The following OSBPL3 variants were observed in gnomAD, a reference collection of about 807,000 sequenced individuals.
OSBPL3 encodes the protein oxysterol-binding protein-related protein 3.
OSBPL3 carries 65 observed loss-of-function variants against 120.1 expected under a neutral mutation model. The ratio of observed to expected loss-of-function variants is 0.54; its 90% CI spans 0.44 to 0.67. The LOEUF is 0.67. OSBPL3 is among the 30% of genes least tolerant of loss of function. The pLI, the probability that OSBPL3 is intolerant of heterozygous loss-of-function variation, is 0.00. For missense variants in OSBPL3, 1,004 were observed against 1,082.1 expected, an observed-to-expected ratio of 0.93 and a Z score of 1.01; for synonymous variants, 416 against 402.6, an observed-to-expected ratio of 1.03 and a Z score of -0.40.
In OSBPL3 at chr7:24,955,369, C is replaced by T. The variant is rs540685111; in HGVS notation, c.-150+24517G>A. Among the ~76,000 whole-genome samples, 1 of 152,188 alleles carries T rather than the reference C, an allele frequency of 6.6e-6. No homozygotes were observed. Among genetic ancestry groups the T allele is most frequent in the Admixed American group, 6.5e-5 (1 of 15,276 alleles). ...ACAACAAAAATATACTGAGCACTTA[C>T]AATGCGCTGGGAATTTTTCCAGTGC... is the stretch of plus-strand genomic sequence containing the variant. On this transcript the variant is annotated intron_variant, in intron 1 of 22. Coordinates refer to ENST00000313367, the MANE Select transcript of OSBPL3 (RefSeq NM_015550.4). This position sits in a 1 kb window ranked among gnomAD's most constrained non-coding sequence, Gnocchi z 4.3.
chr7:24,806,811 C>T lies in OSBPL3; in HGVS notation c.2409G>A (p.Leu803=), dbSNP rs1793102392. 1.2e-6 allele frequency: 2 copies of T among 1,613,886 alleles called. No individual in the cohort carries two copies. The highest frequency in any genetic ancestry group is 1.3e-5 in the African/African-American group (1 of 75,036). ...NEMDPSSKSL[L]PPTDTRFRPD... ...GCCTAAATCGAGTGTCAGTAGGTGG[C>T]AATAAAGACTTTGATGATGGATCCA... The change falls in exon 21 of 23, where the codon TTG becomes TTA. Residue 803 remains leucine (L), a synonymous_variant. Transcript: ENST00000313367. This position sits in a 1 kb window ranked among gnomAD's most constrained non-coding sequence, Gnocchi z 5.2.
chr7:24,820,974 G>C lies in OSBPL3; in HGVS notation c.1885-736C>G, dbSNP rs1003167907. 1.3e-5 allele frequency among the ~76,000 whole-genome samples: 2 copies of C among 152,200 alleles called. No homozygotes were observed. The highest frequency in any genetic ancestry group is 4.8e-5 in the African/African-American group (2 of 41,446). ...AGCAGAGAGTGCCCTTTGGCAAGGG[G>C]TCATTACTCATTTTATTCAGCAGTG... On this transcript the variant is annotated intron_variant, in intron 16 of 22. Coordinates refer to ENST00000313367, the MANE Select transcript of OSBPL3 (RefSeq NM_015550.4). This position sits in a 1 kb window ranked among gnomAD's most constrained non-coding sequence, Gnocchi z 4.6.
intron 1 of OSBPL3, among the ~76,000 whole-genome samples, chr7:24,944,030 G>T: frequency 1.4e-5 from 2 of 144,870 alleles, no homozygotes; most frequent in African/African-American, 2.6e-5. Context: ...TCCTTTCATC[G>T]GCAAAGAAAA....
intron 16 of OSBPL3, among the ~76,000 whole-genome samples, chr7:24,828,607 A>G (rs977469034): frequency 1.8e-4 from 17 of 95,034 alleles, no homozygotes; most frequent in Admixed American, 4.5e-4. Flanking sequence ...ACTCTGTCTG[A>G]AAAAAAAAAA....
In OSBPL3 at chr7:24,952,730, C is replaced by T. The variant is rs1364837214; in HGVS notation, c.-150+27156G>A. On this transcript the variant is annotated intron_variant, in intron 1 of 22. Transcript: ENST00000313367. The surrounding 1 kb of genome is among the most constrained non-coding windows in gnomAD (Gnocchi z 4.4). Reference sequence around the variant, plus strand: ...GTTATTTCCAGGATTCTAGGCCTGCCCTACCAATATGCAAACCATCAGCTG... The same window carrying T: ...GTTATTTCCAGGATTCTAGGCCTGCTCTACCAATATGCAAACCATCAGCTG... Among the ~76,000 whole-genome samples, 2 of 152,124 alleles carry T rather than the reference C, an allele frequency of 1.3e-5. No homozygotes were observed. The highest frequency in any genetic ancestry group is 4.8e-5 in the African/African-American group (2 of 41,416).
At chr7:24,981,473 A>G (rs2128559684), upstream of OSBPL3, 1 of 152,564 alleles carries the variant, frequency 6.6e-6, no homozygotes, top group Middle Eastern at 3.4e-3. The surrounding 1 kb of genome is among the most constrained non-coding windows in gnomAD (Gnocchi z 7.3). Flanking sequence ...ACAGTGTTAA[A>G]TCCCCCTGCC....
In OSBPL3 at chr7:24,849,915, C is replaced by A. The variant is rs1250184322; in HGVS notation, c.1159-739G>T. Among the ~76,000 whole-genome samples, 1 of 147,248 alleles carries A rather than the reference C, an allele frequency of 6.8e-6. No homozygotes were observed. Among genetic ancestry groups the A allele is most frequent in the Admixed American group, 6.9e-5 (1 of 14,566 alleles). On this transcript the variant is annotated intron_variant, in intron 11 of 22. Coordinates refer to ENST00000313367, the MANE Select transcript of OSBPL3 (RefSeq NM_015550.4). This position sits in a 1 kb window ranked among gnomAD's most constrained non-coding sequence, Gnocchi z 5.4. ...CAGATGTTGCAGCGAGCTGAGATTGCGGCCTGGGTGAGAGTGAGACCCTGT... is the reference window on the plus strand; with the variant it reads ...CAGATGTTGCAGCGAGCTGAGATTGAGGCCTGGGTGAGAGTGAGACCCTGT...
In OSBPL3 at chr7:24,977,743, C is replaced by T. The variant is rs554416516; in HGVS notation, c.-150+2143G>A. ...TGGTGACGGGCGCCTGTAGTCCCAG[C>T]CACCCGGGAGGCTGAGGCAGGAGAA... On this transcript the variant is annotated intron_variant, in intron 1 of 22. Transcript: ENST00000313367. Among the ~76,000 whole-genome samples, 8 of 152,292 alleles carry T rather than the reference C, an allele frequency of 5.3e-5. No individual in the cohort carries two copies. The South Asian group carries it at 1.5e-3, about 28-fold the overall frequency.
At chr7:24,958,396 CCT>C (rs1182100302) in intron 1 of OSBPL3, among the ~76,000 whole-genome samples, 1 of 152,044 alleles carries the variant, frequency 6.6e-6, no homozygotes, top group Non-Finnish European at 1.5e-5. Context: ...TAACTTTCTT[CCT>C]TTGTATTACT....
intron 15 of OSBPL3, among the ~76,000 whole-genome samples, chr7:24,832,737 A>G (rs1180605785): frequency 6.6e-6 from 1 of 152,168 alleles, no homozygotes; most frequent in Non-Finnish European, 1.5e-5. Context: ...ACCTAGTGCC[A>G]TTCATGATGT....
In OSBPL3 at chr7:24,922,887, C is replaced by T. The variant is rs531390585; in HGVS notation, c.-149-30266G>A. ...TTCTGATTCCAAAGCAAGCTTATTA[C>T]TTTAGGGTCGATGCAGCAAACAAAC... is the stretch of plus-strand genomic sequence containing the variant. On this transcript the variant is annotated intron_variant, in intron 1 of 22. Transcript: ENST00000313367. The surrounding 1 kb of genome is among the most constrained non-coding windows in gnomAD (Gnocchi z 4.3). Among the ~76,000 whole-genome samples, 1 of 152,108 alleles carries T rather than the reference C, an allele frequency of 6.6e-6. No homozygotes were observed. Among genetic ancestry groups the T allele is most frequent in the East Asian group, 1.9e-4 (1 of 5,190 alleles).
Position 24,862,086 on chromosome 7 carries a change from C to G in OSBPL3, c.871-317G>C, listed in dbSNP as rs538083151. On this transcript the variant is annotated intron_variant, in intron 9 of 22. Coordinates refer to ENST00000313367, the MANE Select transcript of OSBPL3 (RefSeq NM_015550.4). This position sits in a 1 kb window ranked among gnomAD's most constrained non-coding sequence, Gnocchi z 4.4. ...TATTTTTAGTAGAGACGGGGTTTCA[C>G]CGTGTTAGCCAGGATGGTCTCGATC... Among the ~76,000 whole-genome samples, 81 of 152,200 alleles carry G rather than the reference C, an allele frequency of 5.3e-4. No individual in the cohort carries two copies. The highest frequency in any genetic ancestry group is 1.9e-3 in the African/African-American group (78 of 41,522).
intron 1 of OSBPL3, among the ~76,000 whole-genome samples, chr7:24,961,501 G>A (rs115697691): frequency 1.1e-4 from 17 of 152,090 alleles, no homozygotes; most frequent in African/African-American, 3.4e-4. Context: ...TTTAAGAATG[G>A]AGCCCTCCTG....
rs1800755750 is a variant in OSBPL3 at position 24,862,780 on chromosome 7, C to G, written c.870+420G>C. ...ACACCATGTCCTGTGCCCAGAGAAT[C>G]AGGCCTGTGGGCTTAGAGGGATGAC... On this transcript the variant is annotated intron_variant, in intron 9 of 22. Coordinates refer to ENST00000313367, the MANE Select transcript of OSBPL3 (RefSeq NM_015550.4). This position sits in a 1 kb window ranked among gnomAD's most constrained non-coding sequence, Gnocchi z 4.4. 6.6e-6 allele frequency among the ~76,000 whole-genome samples: 1 copy of G among 152,164 alleles called. No individual in the cohort carries two copies. Among genetic ancestry groups the G allele is most frequent in the East Asian group, 1.9e-4 (1 of 5,188 alleles).
In OSBPL3 at chr7:24,870,805, A is replaced by G. The variant is rs1207999011; in HGVS notation, c.308T>C (p.Leu103Pro). The change falls in exon 5 of 23, where the codon CTC (leucine) becomes CCC (proline). Residue 103 changes from leucine to proline, a missense_variant. Leu to Pro is a moderately conservative substitution (Grantham distance 98). This residue lies in a region of OSBPL3 where 255 missense variants were observed against 248.7 expected (regional missense o/e 1.03). Coordinates refer to ENST00000313367, the MANE Select transcript of OSBPL3 (RefSeq NM_015550.4). ...EKLHGCIDVG[L>P]SVMSVKKSSK... The stretch of plus-strand genomic sequence containing the variant: ...TGACTTCTTTACAGACATCACTGAG[A>G]GCCCGACATCAATGCAGCCATGCAG... The G allele has an allele frequency of 6.2e-7, 1 of 1,613,898 alleles. No individual in the cohort carries two copies. Among genetic ancestry groups the G allele is most frequent in the African/African-American group, 1.3e-5 (1 of 75,050 alleles).
Position 24,972,235 on chromosome 7 carries a change from AG to A in OSBPL3, c.-150+7650del, listed in dbSNP as rs923022310. The stretch of plus-strand genomic sequence containing the variant: ...GAGAAATTCAAAACCTCAAATCAAA[AG>A]AGGAGTTAAGGCCTCCTCCCACTCA... On this transcript the variant is annotated intron_variant, in intron 1 of 22. Coordinates refer to ENST00000313367, the MANE Select transcript of OSBPL3 (RefSeq NM_015550.4). The surrounding 1 kb of genome is among the most constrained non-coding windows in gnomAD (Gnocchi z 4.3). Among the ~76,000 whole-genome samples, 2 of 152,252 alleles carry A rather than the reference AG, an allele frequency of 1.3e-5. No homozygotes were observed. Among genetic ancestry groups the A allele is most frequent in the African/African-American group, 2.4e-5 (1 of 41,464 alleles).
rs568152518 is a variant in OSBPL3, at chr7:24,834,114, T to C, written c.1746+372A>G. The C allele has an allele frequency of 2.3e-5, 23 of 1,001,880 alleles. No homozygotes were observed. The African/African-American group carries it at 3.3e-4, about 14-fold the overall frequency. 62.1% of individuals were successfully genotyped at this position (1,001,880 alleles called of 1,614,324 possible). A position where few individuals can be genotyped will look rare whatever the true frequency, so the allele number is the denominator to read the frequency against. ...TGGATGAGAAAAACAGCTCGAGAAA[T>C]TAAATTCTGTCCACCCAGGGAAGTA... On this transcript the variant is annotated intron_variant, in intron 15 of 22. Coordinates refer to ENST00000313367, the MANE Select transcript of OSBPL3 (RefSeq NM_015550.4). The surrounding 1 kb of genome is among the most constrained non-coding windows in gnomAD (Gnocchi z 5.2).
At chr7:24,895,562 T>C (rs1228844945) in intron 1 of OSBPL3, among the ~76,000 whole-genome samples, 3 of 152,210 alleles carry the variant, frequency 2.0e-5, no homozygotes, top group Admixed American at 1.3e-4. Context: ...AGAAGGCAGC[T>C]GTAGCCCAAG....
At chr7:24,876,035 A>G (rs1802793299) in intron 2 of OSBPL3, among the ~76,000 whole-genome samples, 1 of 152,138 alleles carries the variant, frequency 6.6e-6, no homozygotes, top group South Asian at 2.1e-4. Flanking sequence ...CATCTTCAAA[A>G]TGTGTATTTT....
Sources: allele counts gnomAD v4.1 joint callset (sites outside exome capture counted in the v4.1 genomes callset), GRCh38; gene constraint gnomAD v4.1.1; regional missense constraint gnomAD v4.1.1; non-coding constraint Gnocchi (gnomAD v3.1); transcripts MANE v1.5; gene names NCBI Gene and HGNC (gene_info 2026-07-23, HGNC 2026-07-21).